VIRMA: variants seen among roughly 807,000 people sequenced by gnomAD.
The protein encoded by VIRMA is protein virilizer homolog.
In VIRMA, 65 loss-of-function variants were observed where a neutral mutation model predicts 182.4. That is an observed-to-expected ratio of 0.36 (90% CI 0.29 to 0.44). The LOEUF (loss-of-function observed/expected upper bound fraction) is 0.44. Ranked by LOEUF, VIRMA falls within the 20% of genes least tolerant of loss-of-function variation. The pLI is 1.00. For synonymous variants in VIRMA, 709 were observed against 743.1 expected (o/e 0.95, Z 0.75); for missense variants, 1,752 against 2,158.1 (o/e 0.81, Z 3.73).
chr8:94,488,404 G>GA lies in VIRMA; in HGVS notation c.*301dup. On this transcript the variant is annotated 3_prime_UTR_variant, in exon 24 of 24. Coordinates refer to ENST00000297591, the MANE Select transcript of VIRMA (RefSeq NM_015496.5). ...GGCACTAAATAGTGTCATGAGCTGAGAAAGTTTGAGAATATCTGTGCTATA... is the reference window on the plus strand; with the variant it reads ...GGCACTAAATAGTGTCATGAGCTGAGAAAAGTTTGAGAATATCTGTGCTATA... The GA allele has an allele frequency of 4.3e-6, 1 of 230,100 alleles. No homozygotes were observed. Among genetic ancestry groups the GA allele is most frequent in the Non-Finnish European group, 8.6e-6 (1 of 116,002 alleles). 14.3% of individuals were successfully genotyped at this position (230,100 alleles called of 1,614,324 possible). A position where few individuals can be genotyped will look rare whatever the true frequency, so the allele number is the denominator to read the frequency against.
intron 13 of VIRMA, 187 bp from the exon 14 acceptor site, chr8:94,510,839 G>T (rs1440589406): frequency 1.3e-6 from 1 of 774,000 alleles, no homozygotes; most frequent in African/African-American, 1.7e-5. Flanking sequence ...TTGTTCTCAG[G>T]TTAGCAGTTA....
At position 94,504,506 on chromosome 8, in the gene VIRMA, T is replaced by C. The variant is rs148764399; in HGVS notation, c.4097+1994A>G. Among the ~76,000 whole-genome samples the C allele has an allele frequency of 1.4e-4, 22 of 152,302 alleles. No homozygotes were observed. The East Asian group carries it at 4.0e-3, about 28-fold the overall frequency. ...TCCTGGTGAGCCTTACAGATCATTA[T>C]AGAGAGTTTGGATTTTAATTGAGGT... On this transcript the variant is annotated intron_variant, in intron 16 of 23. Coordinates refer to ENST00000297591, the MANE Select transcript of VIRMA (RefSeq NM_015496.5).
chr8:94,509,918 GTTTTTC>G lies in VIRMA; in HGVS notation c.3643_3648del (p.Glu1215_Lys1216del), dbSNP rs1260838268. On this transcript the variant is annotated inframe_deletion, in exon 15 of 24. Coordinates refer to ENST00000297591, the MANE Select transcript of VIRMA (RefSeq NM_015496.5). ...AACCTGGTGGTTTGGCTAGTATACTGTTTTTCTTTATCTTCTGAAGTGCTGAAATAA... is the reference window on the plus strand; with the variant it reads ...AACCTGGTGGTTTGGCTAGTATACTGTTTATCTTCTGAAGTGCTGAAATAA... 2 of 1,609,474 alleles carry G rather than the reference GTTTTTC, an allele frequency of 1.2e-6. No homozygotes were observed. The highest frequency in any genetic ancestry group is 1.7e-4 in the Middle Eastern group (1 of 6,018).
At chr8:94,495,615 A>T in intron 19 of VIRMA, 116 bp downstream of exon 19, 1 of 684,486 alleles carries the variant, frequency 1.5e-6, no homozygotes, top group Non-Finnish European at 2.3e-6. Flanking sequence ...TGGCCTGCAA[A>T]GCCTAGAATT....
intron 16 of VIRMA, 119 bp from the exon 17 acceptor site, chr8:94,499,625 TAAG>T: frequency 1.5e-6 from 1 of 652,924 alleles, no homozygotes; most frequent in Non-Finnish European, 2.4e-6. Flanking sequence ...TTAAAAATGC[TAAG>T]AAGTACTTTG....
intron 6 of VIRMA, among the ~76,000 whole-genome samples, chr8:94,530,522 GAAAGAAA>G (rs1283033071): frequency 2.7e-5 from 4 of 150,828 alleles, no homozygotes; most frequent in African/African-American, 9.8e-5. Flanking sequence ...AAAAAAGAAA[GAAAGAAA>G]AAAGAAAAAG....
chr8:94,496,391 C>G lies in VIRMA; in HGVS notation c.4320G>C (p.Gln1440His). 1 of 1,613,582 alleles carries G rather than the reference C, an allele frequency of 6.2e-7. No individual in the cohort carries two copies. Among genetic ancestry groups the G allele is most frequent in the Non-Finnish European group, 8.5e-7 (1 of 1,179,722 alleles). ...GACTTTCTTCTTTGCTTTGTAGAAGCTGTTTTAACTCTGCAGCATTAATAC... is the reference window on the plus strand; with the variant it reads ...GACTTTCTTCTTTGCTTTGTAGAAGGTGTTTTAACTCTGCAGCATTAATAC... The part of the protein sequence containing the change: ...TMSINAAELK[Q>H]LLQSKEESPE... Residue 1440 changes from glutamine (Q) to histidine (H), a missense_variant, in exon 18 of 24, where the codon CAG becomes CAC. Gln to His is a conservative substitution (Grantham distance 24, BLOSUM62 0). Transcript: ENST00000297591.
Position 94,490,061 on chromosome 8 carries a change from C to G in VIRMA, c.5162G>C (p.Gly1721Ala). ...ASKGNYSRRE[G>A]TRGSSWSAQN... ...AGCACTCCAACTGGAGCCTCTTGTT[C>G]CTTCCCGACGACTGTAGTTTCCTAA... The change falls in exon 23 of 24, where the codon GGA becomes GCA. Residue 1721 changes from glycine to alanine, a missense_variant. By Grantham distance (60) the Gly-to-Ala change is moderately conservative (BLOSUM62 0). Transcript: ENST00000297591. 6.2e-7 allele frequency: 1 copy of G among 1,612,824 alleles called. No individual in the cohort carries two copies. The highest frequency in any genetic ancestry group is 1.3e-5 in the African/African-American group (1 of 74,956).
chr8:94,495,009 ATTTT>A, intron 19 of VIRMA, 53 bp from the exon 20 acceptor site: 2 of 1,050,058 alleles, frequency 1.9e-6, no homozygotes, highest in South Asian at 2.8e-5. Context: ...TCAAATTTCA[ATTTT>A]TTTTTTTTGA....
chr8:94,511,363 A>G lies in VIRMA; in HGVS notation c.3212T>C (p.Phe1071Ser). 1 of 1,613,944 alleles carries G rather than the reference A, an allele frequency of 6.2e-7. No individual in the cohort carries two copies. The highest frequency in any genetic ancestry group is 8.5e-7 in the Non-Finnish European group (1 of 1,179,950). The change falls in exon 13 of 24, where the codon TTT becomes TCT. Residue 1071 changes from phenylalanine (F) to serine (S), a missense_variant. Phe to Ser is a radical substitution (Grantham distance 155). This residue lies in a region of VIRMA where 777 missense variants were observed against 920.6 expected (regional missense o/e 0.84). Coordinates refer to ENST00000297591, the MANE Select transcript of VIRMA (RefSeq NM_015496.5). ...GAGTTTTTCATTAACTCCTTGTGTA[A>G]AAGTCAGTAAAATATCAATGATATC... ...QNDIIDILLT[F>S]TQGVNEKLTI...
chr8:94,509,115 G>C (rs923740845), intron 15 of VIRMA, among the ~76,000 whole-genome samples: 7 of 152,016 alleles, frequency 4.6e-5, no homozygotes, highest in South Asian at 2.1e-4. Flanking sequence ...GAATGACTTG[G>C]TGTAGCCAGG....
At chr8:94,544,662 CAAA>C (rs11364603) in intron 1 of VIRMA, among the ~76,000 whole-genome samples, 54 of 94,476 alleles carry the variant, frequency 5.7e-4, no homozygotes, top group African/African-American at 1.3e-3. Flanking sequence ...GACTCTGTCT[CAAA>C]AAAAAAAAAA....
Position 94,511,996 on chromosome 8 carries a change from C to G in VIRMA, c.2845G>C (p.Gly949Arg). 6.6e-7 allele frequency: 1 copy of G among 1,514,102 alleles called. No individual in the cohort carries two copies. The highest frequency in any genetic ancestry group is 8.9e-7 in the Non-Finnish European group (1 of 1,126,048). The allele number at this position is 1,514,102 out of a possible 1,614,324, so 93.8% of individuals were successfully genotyped here. Reference sequence around the variant, plus strand: ...TTTTAAAATACAGTAGCCACATTACCTTCAACAGGAGGTGGTGGGCATGCA... The same window carrying G: ...TTTTAAAATACAGTAGCCACATTACGTTCAACAGGAGGTGGTGGGCATGCA... The part of the protein sequence containing the change: ...NVACPPPPVE[G>R]QQKDLKWNLA... Residue 949 changes from glycine (G) to arginine (R), a missense_variant and splice_region_variant, in exon 12 of 24, where the codon GGT (glycine) becomes CGT (arginine). By Grantham distance (125) the Gly-to-Arg change is moderately radical. This residue lies in a region of VIRMA where 777 missense variants were observed against 920.6 expected (regional missense o/e 0.84). Coordinates refer to ENST00000297591, the MANE Select transcript of VIRMA (RefSeq NM_015496.5).
At chr8:94,546,910 A>G in intron 1 of VIRMA, 1 of 455,440 alleles carries the variant, frequency 2.2e-6, no homozygotes, top group South Asian at 1.5e-5. Context: ...TGGCTTCTTT[A>G]TTGCTCCAAA....
intron 5 of VIRMA, 110 bp downstream of exon 5, chr8:94,534,729 C>T (rs1261623042): frequency 1.5e-6 from 2 of 1,326,808 alleles, no homozygotes; most frequent in Admixed American, 4.5e-5. Context: ...CTCTCTCCCT[C>T]TCAAGAAATA....
chr8:94,543,474 A>G (rs1389199535), intron 2 of VIRMA, among the ~76,000 whole-genome samples: 1 of 151,056 alleles, frequency 6.6e-6, no homozygotes, highest in East Asian at 1.9e-4. Flanking sequence ...AAATATTTCA[A>G]CTAATTCCCA....
chr8:94,500,068 A>C (rs1479419649), intron 16 of VIRMA, among the ~76,000 whole-genome samples: 2 of 151,286 alleles, frequency 1.3e-5, no homozygotes, highest in East Asian at 1.9e-4. Flanking sequence ...AAAAAAAAAA[A>C]AAAAAACTTA....
intron 19 of VIRMA, among the ~76,000 whole-genome samples, chr8:94,495,433 A>C (rs984471133): frequency 6.6e-6 from 1 of 152,156 alleles, no homozygotes; most frequent in African/African-American, 2.4e-5. Flanking sequence ...CCTCAAAAAC[A>C]AATAACTTGA....
intron 1 of VIRMA, among the ~76,000 whole-genome samples, chr8:94,549,172 T>A (rs1050850238): frequency 6.6e-6 from 1 of 152,244 alleles, no homozygotes; most frequent in South Asian, 2.1e-4. Flanking sequence ...ACTCAGTGGA[T>A]TGGCCTTATA....
Sources: gnomAD v4.1 joint callset for allele counts (sites outside exome capture counted in the v4.1 genomes callset) on GRCh38, gnomAD v4.1.1 for gene constraint, gnomAD v4.1.1 regional missense constraint, MANE v1.5 for transcripts, NCBI Gene and HGNC (gene_info 2026-07-23, HGNC 2026-07-21) for gene names.